The following CORIN variants were observed in gnomAD, a reference collection of about 807,000 sequenced individuals.
CORIN encodes the protein corin, serine peptidase.
Under a neutral mutation model 125.3 loss-of-function variants are expected in CORIN, and 117 were observed. That is an observed-to-expected ratio of 0.93 (90% CI 0.80 to 1.09). The LOEUF (loss-of-function observed/expected upper bound fraction) is 1.09, where lower values mean the gene tolerates loss of function less well. CORIN is among the 50% of genes least tolerant of loss of function. The probability of loss-of-function intolerance (pLI) is 0.00; values close to 1 mark genes in which losing one functional copy is unlikely to be tolerated. For synonymous variants in CORIN, 450 were observed against 466.4 expected (o/e 0.96, Z 0.45); for missense variants, 1,253 against 1,306.7 (o/e 0.96, Z 0.63).
At chr4:47,769,145 AC>A (rs1421552376) in intron 3 of CORIN, among the ~76,000 whole-genome samples, 2 of 152,228 alleles carry the variant, frequency 1.3e-5, no homozygotes, top group African/African-American at 4.8e-5. Context: ...TTCAAAATCA[AC>A]ATAAAAAATC....
At chr4:47,790,243 T>G in intron 2 of CORIN, 6 of 981,872 alleles carry the variant, frequency 6.1e-6, no homozygotes, top group Non-Finnish European at 7.3e-6. Flanking sequence ...CTGGCTGTGG[T>G]GAGACAGCCA....
At chr4:47,692,677 A>C (rs1446452903) in intron 6 of CORIN, among the ~76,000 whole-genome samples, 1 of 152,188 alleles carries the variant, frequency 6.6e-6, no homozygotes, top group African/African-American at 2.4e-5. Context: ...CATAAACAAA[A>C]ATGAAAATTC....
intron 19 of CORIN, among the ~76,000 whole-genome samples, chr4:47,613,652 T>A (rs2109532111): frequency 6.6e-6 from 1 of 151,618 alleles, no homozygotes; most frequent in East Asian, 1.9e-4. Context: ...GTTCATGTCC[T>A]TTGTAGGGAC....
At chr4:47,640,210 A>T (rs1441171046) in intron 16 of CORIN, among the ~76,000 whole-genome samples, 1 of 152,188 alleles carries the variant, frequency 6.6e-6, no homozygotes, top group African/African-American at 2.4e-5. Context: ...ATAATTTTTT[A>T]AAAATCCACT....
At chr4:47,762,981 G>A (rs1729536835) in intron 4 of CORIN, among the ~76,000 whole-genome samples, 1 of 152,076 alleles carries the variant, frequency 6.6e-6, no homozygotes, top group Non-Finnish European at 1.5e-5. Flanking sequence ...CTTCAATCTT[G>A]GGTGGTGGAA....
chr4:47,605,639 T>A (rs546636863), intron 19 of CORIN, among the ~76,000 whole-genome samples: 1 of 152,254 alleles, frequency 6.6e-6, no homozygotes, highest in African/African-American at 2.4e-5. Context: ...GTAGGTTGAT[T>A]TGACCAGCTA....
intron 14 of CORIN, 73 bp downstream of exon 14, chr4:47,645,008 T>G: frequency 1.2e-6 from 1 of 806,414 alleles, no homozygotes; most frequent in Non-Finnish European, 2.1e-6. Flanking sequence ...CACTTTTAGC[T>G]TGTATTCAAA....
In CORIN at chr4:47,661,802, G is replaced by A; in HGVS notation, c.1644C>T (p.Gly548=). The change falls in exon 12 of 22, where the codon GGC becomes GGT. Residue 548 remains glycine, a synonymous_variant. Transcript: ENST00000273857. ...AATCTGTGTCTTCAGGCCACTGTAG[G>A]CCCACAATCCCAAGAACAGACTCAC... The part of the protein sequence containing the change: ...ERCESVLGIV[G]LQWPEDTDCS... The A allele has an allele frequency of 6.2e-7, 1 of 1,613,432 alleles. No homozygotes were observed. The highest frequency in any genetic ancestry group is 1.3e-5 in the African/African-American group (1 of 75,010).
chr4:47,799,138 TG>T (rs1254177901), intron 2 of CORIN, among the ~76,000 whole-genome samples: 1 of 151,818 alleles, frequency 6.6e-6, no homozygotes, highest in Non-Finnish European at 1.5e-5. Flanking sequence ...TGTGTGTGTG[TG>T]TGTGTGTATG....
At chr4:47,614,227 T>C (rs192511278) in intron 19 of CORIN, among the ~76,000 whole-genome samples, 1 of 152,270 alleles carries the variant, frequency 6.6e-6, no homozygotes, top group African/African-American at 2.4e-5. Flanking sequence ...AGTTTCGCTC[T>C]TGTTGCCCAG....
intron 5 of CORIN, among the ~76,000 whole-genome samples, chr4:47,702,279 G>T (rs372083380): frequency 2.0e-5 from 3 of 152,030 alleles, no homozygotes; most frequent in East Asian, 3.9e-4. Flanking sequence ...ACAAATACAG[G>T]ATGGTTTCTA....
intron 3 of CORIN, among the ~76,000 whole-genome samples, chr4:47,778,375 A>T (rs1462046851): frequency 6.6e-6 from 1 of 152,168 alleles, no homozygotes; most frequent in Non-Finnish European, 1.5e-5. Flanking sequence ...GAAATCTAGG[A>T]CTGTACCCAA....
In CORIN at chr4:47,603,418, A is replaced by G; in HGVS notation, c.2791T>C (p.Trp931Arg). ...EPDTYCYITG[W>R]GHMGNKMPFK... ...TTACTTTTATTGCCCATGTGGCCCC[A>G]GCCTGTGATATAGCAGTACGTGTCA... The change falls in exon 20 of 22, where the codon TGG becomes CGG. Residue 931 changes from tryptophan to arginine, a missense_variant. Coordinates refer to ENST00000273857, the MANE Select transcript of CORIN (RefSeq NM_006587.4). The G allele has an allele frequency of 6.2e-7, 1 of 1,614,116 alleles. No homozygotes were observed. Among genetic ancestry groups the G allele is most frequent in the Non-Finnish European group, 8.5e-7 (1 of 1,180,026 alleles).
chr4:47,714,247 C>G (rs1184275072), intron 5 of CORIN, among the ~76,000 whole-genome samples: 1 of 152,116 alleles, frequency 6.6e-6, no homozygotes, highest in Non-Finnish European at 1.5e-5. Flanking sequence ...ATTTTTATAT[C>G]TTTGAATATG....
At chr4:47,758,998 A>G (rs1729323999) in intron 4 of CORIN, among the ~76,000 whole-genome samples, 1 of 152,196 alleles carries the variant, frequency 6.6e-6, no homozygotes, top group Non-Finnish European at 1.5e-5. Flanking sequence ...ATTGGTATAA[A>G]AACAGTCACA....
chr4:47,611,686 A>G (rs1721876309), intron 19 of CORIN, among the ~76,000 whole-genome samples: 1 of 152,168 alleles, frequency 6.6e-6, no homozygotes, highest in African/African-American at 2.4e-5. Context: ...TCCAAGGGGA[A>G]TGCTTCCAGT....
chr4:47,741,021 ATAAT>A (rs1466768105), intron 5 of CORIN, among the ~76,000 whole-genome samples: 1 of 152,012 alleles, frequency 6.6e-6, no homozygotes, highest in South Asian at 2.1e-4. Flanking sequence ...AAAGGAATAA[ATAAT>A]TAGTCACCTT....
chr4:47,710,470 T>G (rs1726785208), intron 5 of CORIN, among the ~76,000 whole-genome samples: 1 of 152,270 alleles, frequency 6.6e-6, no homozygotes, highest in South Asian at 2.1e-4. Context: ...TACTTCCTGA[T>G]GTTGCCAAGC....
intron 3 of CORIN, among the ~76,000 whole-genome samples, chr4:47,772,604 C>T (rs1193051863): frequency 6.6e-6 from 1 of 152,138 alleles, no homozygotes; most frequent in Non-Finnish European, 1.5e-5. Context: ...GATTCAAAAT[C>T]CTGGCTACTA....
Sources: allele counts gnomAD v4.1 joint callset (sites outside exome capture counted in the v4.1 genomes callset), GRCh38; gene constraint gnomAD v4.1.1; transcripts MANE v1.5; gene names NCBI Gene and HGNC (gene_info 2026-07-23, HGNC 2026-07-21).